GRIK1: variants seen among roughly 807,000 people sequenced by gnomAD.
GRIK1 encodes glutamate ionotropic receptor kainate type subunit 1, also known as glutamate receptor ionotropic, kainate 1.
Under a neutral mutation model 105.7 loss-of-function variants are expected in GRIK1, and 69 were observed. The ratio of observed to expected loss-of-function variants is 0.65; its 90% confidence interval spans 0.54 to 0.80. The LOEUF (loss-of-function observed/expected upper bound fraction) is 0.80, where lower values mean the gene tolerates loss of function less well. Ranked by LOEUF, GRIK1 falls within the 30% of genes least tolerant of loss-of-function variation. The pLI, the probability that GRIK1 is intolerant of heterozygous loss-of-function variation, is 0.00. For synonymous variants in GRIK1, 438 were observed against 431.3 expected (o/e 1.02, Z -0.19); for missense variants, 1,109 against 1,167.3 (o/e 0.95, Z 0.73).
intron 3 of GRIK1, among the ~76,000 whole-genome samples, chr21:29,674,363 A>G (rs1336043535): frequency 2.0e-5 from 3 of 151,020 alleles, no homozygotes; most frequent in African/African-American, 7.3e-5. Context: ...TTTGATTCTG[A>G]TGTACAATAA....
At chr21:29,559,866 A>G (rs2090348130) in intron 15 of GRIK1, among the ~76,000 whole-genome samples, 1 of 152,136 alleles carries the variant, frequency 6.6e-6, no homozygotes, top group African/African-American at 2.4e-5. Context: ...TCAAATTCCT[A>G]CATGTCTACA....
chr21:29,840,816 T>C (rs1297264990), intron 1 of GRIK1, among the ~76,000 whole-genome samples: 3 of 152,066 alleles, frequency 2.0e-5, no homozygotes, highest in Non-Finnish European at 4.4e-5. Flanking sequence ...AATAATACAC[T>C]ATAGAAAATA....
chr21:29,558,047 G>C (rs1459024282), intron 15 of GRIK1, among the ~76,000 whole-genome samples: 4 of 152,072 alleles, frequency 2.6e-5, no homozygotes, highest in African/African-American at 9.7e-5. Context: ...TCAGCCTCCT[G>C]GTAAGCTGTT....
At chr21:29,671,545 T>C (rs1379490119) in intron 4 of GRIK1, among the ~76,000 whole-genome samples, 1 of 152,118 alleles carries the variant, frequency 6.6e-6, no homozygotes, top group East Asian at 1.9e-4. Context: ...AAGTGTGAGA[T>C]GGAGCACCAG....
chr21:29,733,825 A>C (rs1446565635), intron 1 of GRIK1, among the ~76,000 whole-genome samples: 1 of 152,190 alleles, frequency 6.6e-6, no homozygotes, highest in Non-Finnish European at 1.5e-5. Context: ...CACTCAGTGC[A>C]GTTAAAAGAG....
At position 29,694,031 on chromosome 21, in the gene GRIK1, C is replaced by T; in HGVS notation, c.151G>A (p.Val51Ile). Residue 51 changes from valine (V) to isoleucine (I), a missense_variant, in exon 2 of 18, where the codon GTT becomes ATT. By Grantham distance (29) the Val-to-Ile change is conservative. Transcript: ENST00000327783. ...TTGAAAGCTAATTCTTCAACATTAA[C>T]AGGCTCATTTTCCACTGTTTCAAAA... ...GIFETVENEP[V>I]NVEELAFKFA... is the part of the protein sequence containing the mutation. 1 of 1,612,616 alleles carries T rather than the reference C, an allele frequency of 6.2e-7. No homozygotes were observed. Among genetic ancestry groups the T allele is most frequent in the Non-Finnish European group, 8.5e-7 (1 of 1,179,176 alleles).
At chr21:29,550,288 A>G (rs2090112680) in intron 16 of GRIK1, among the ~76,000 whole-genome samples, 1 of 152,118 alleles carries the variant, frequency 6.6e-6, no homozygotes. Flanking sequence ...TCCACCTCAA[A>G]GCTGTGCAGG....
intron 7 of GRIK1, among the ~76,000 whole-genome samples, chr21:29,609,193 A>G (rs1031779813): frequency 6.6e-6 from 1 of 151,684 alleles, no homozygotes; most frequent in Admixed American, 6.6e-5. Flanking sequence ...ATCTTATTAA[A>G]AGAATAAAAA....
intron 1 of GRIK1, among the ~76,000 whole-genome samples, chr21:29,812,813 C>A (rs1048815185): frequency 2.0e-5 from 3 of 152,128 alleles, no homozygotes; most frequent in Admixed American, 1.3e-4. Context: ...CTGCCTAGAT[C>A]AGTGTGCTAA....
At chr21:29,790,299 G>A (rs1159061631) in intron 1 of GRIK1, among the ~76,000 whole-genome samples, 1 of 151,548 alleles carries the variant, frequency 6.6e-6, no homozygotes, top group East Asian at 1.9e-4. Context: ...TGCCCACCTC[G>A]GCCTCCCAAA....
intron 1 of GRIK1, among the ~76,000 whole-genome samples, chr21:29,697,618 T>C (rs1249155172): frequency 6.6e-6 from 1 of 152,074 alleles, no homozygotes; most frequent in Non-Finnish European, 1.5e-5. Flanking sequence ...AAGCTGGAGA[T>C]GTACCAAAAA....
At chr21:29,832,737 C>T (rs1409518491) in intron 1 of GRIK1, among the ~76,000 whole-genome samples, 12 of 152,192 alleles carry the variant, frequency 7.9e-5, no homozygotes, top group Non-Finnish European at 1.6e-4. Flanking sequence ...GGGCCTGTGA[C>T]AGGAGGAGAT....
chr21:29,696,582 G>A (rs953943957), intron 1 of GRIK1, among the ~76,000 whole-genome samples: 14 of 152,214 alleles, frequency 9.2e-5, no homozygotes, highest in Non-Finnish European at 1.8e-4. Flanking sequence ...CACCATCTAG[G>A]TGACCCATAC....
rs1429459992 is a variant in GRIK1 at position 29,774,466 on chromosome 21, T to TC, written c.119-80404_119-80403insG. On this transcript the variant is annotated intron_variant, in intron 1 of 17. Coordinates refer to ENST00000327783, the MANE Select transcript of GRIK1 (RefSeq NM_001330994.2). ...TTGCTCTTTTTTTTTTTTTTTTTTT[T>TC]TCTGAGACGGAGTCTCACTCTGTCA... is the stretch of plus-strand genomic sequence containing the variant. Among the ~76,000 whole-genome samples, 201 of 135,538 alleles carry TC rather than the reference T, an allele frequency of 1.5e-3. 1 individual carries two copies. Among genetic ancestry groups the TC allele is most frequent in the African/African-American group, 5.4e-3 (200 of 37,120 alleles). The allele number at this position is 135,538 out of a possible 152,430, so 88.9% of individuals were successfully genotyped here. A position where few individuals can be genotyped will look rare whatever the true frequency, so the allele number is the denominator to read the frequency against.
intron 7 of GRIK1, among the ~76,000 whole-genome samples, chr21:29,640,927 TTTGTTGTTG>T (rs143408617): frequency 6.6e-6 from 1 of 152,076 alleles, no homozygotes; most frequent in Non-Finnish European, 1.5e-5. Flanking sequence ...TTGTGATGTC[TTTGTTGTTG>T]TTGTTGTTGT....
At chr21:29,564,638 A>C (rs1243094736) in intron 14 of GRIK1, among the ~76,000 whole-genome samples, 8 of 152,114 alleles carry the variant, frequency 5.3e-5, no homozygotes, top group Non-Finnish European at 1.2e-4. Context: ...CTCTAAACCT[A>C]AACTATCTGA....
intron 1 of GRIK1, among the ~76,000 whole-genome samples, chr21:29,849,883 C>T (rs2068250246): frequency 6.6e-6 from 1 of 150,850 alleles, no homozygotes; most frequent in Admixed American, 6.6e-5. Flanking sequence ...TCTTCATGCC[C>T]TCTGGTGCCC....
intron 16 of GRIK1, among the ~76,000 whole-genome samples, chr21:29,550,900 C>T (rs1052396282): frequency 7.9e-5 from 12 of 152,056 alleles, no homozygotes; most frequent in African/African-American, 2.9e-4. Flanking sequence ...GTATAAAGTC[C>T]ATAATATTAC....
rs773910225 is a variant in GRIK1, at chr21:29,865,498, AGTAAACACAATGAAATGT to A, written c.118+73867_118+73884del. Among the ~76,000 whole-genome samples the A allele has an allele frequency of 1.5e-3, 234 of 152,388 alleles. 1 individual carries two copies. The highest frequency in any genetic ancestry group is 3.4e-3 in the Middle Eastern group (1 of 294). ...TAATCAGCTCTGCTAGTTCTATCAC[AGTAAACACAATGAAATGT>A]GTAAACACAATGAAATGTGTAAACA... On this transcript the variant is annotated intron_variant, in intron 1 of 17. Transcript: ENST00000327783.
Sources: gnomAD v4.1 joint callset for allele counts (sites outside exome capture counted in the v4.1 genomes callset) on GRCh38, gnomAD v4.1.1 for gene constraint, MANE v1.5 for transcripts, NCBI Gene and HGNC (gene_info 2026-07-23, HGNC 2026-07-21) for gene names.